The following NPHP4 variants were observed in gnomAD, a reference collection of about 807,000 sequenced individuals.
NPHP4 encodes the protein nephrocystin-4.
A neutral mutation model predicts 155.8 loss-of-function variants in NPHP4; 151 were observed. That is an observed-to-expected ratio of 0.97 (90% CI 0.85 to 1.11). The LOEUF (loss-of-function observed/expected upper bound fraction) is 1.11. Among genes scored for constraint, NPHP4 ranks in the 50% least tolerant of loss-of-function variants. The probability of loss-of-function intolerance (pLI) is 0.00; values close to 1 mark genes in which losing one functional copy is unlikely to be tolerated. For synonymous variants in NPHP4, 845 were observed against 816.8 expected (o/e 1.03, Z -0.59); for missense variants, 1,956 against 1,925.7 (o/e 1.02, Z -0.29).
At chr1:5,894,614 G>A (rs1644303574) in intron 16 of NPHP4, among the ~76,000 whole-genome samples, 1 of 151,902 alleles carries the variant, frequency 6.6e-6, no homozygotes, top group Non-Finnish European at 1.5e-5. Flanking sequence ...AGTAATCACA[G>A]GAAAATTCAT....
At chr1:5,914,167 C>G (rs1645334322) in intron 11 of NPHP4, among the ~76,000 whole-genome samples, 2 of 149,158 alleles carry the variant, frequency 1.3e-5, no homozygotes, top group African/African-American at 5.0e-5. Context: ...TGCCTATAAT[C>G]CCAGCACTTT....
chr1:5,951,626 C>T (rs955442356), intron 7 of NPHP4, among the ~76,000 whole-genome samples: 2 of 152,196 alleles, frequency 1.3e-5, no homozygotes, highest in African/African-American at 2.4e-5. Flanking sequence ...CTGCTGCTGG[C>T]GACAGAAGAG....
chr1:5,888,197 C>A (rs1448195308), intron 17 of NPHP4: 4 of 423,238 alleles, frequency 9.5e-6, no homozygotes, highest in Non-Finnish European at 9.5e-6. Context: ...GCAGGACTTT[C>A]CTGACCACGG....
At chr1:5,874,441 G>A (rs748860921) in intron 22 of NPHP4, 30 bp downstream of exon 22, 23 of 1,489,306 alleles carry the variant, frequency 1.5e-5, no homozygotes, top group Non-Finnish European at 2.0e-5. Flanking sequence ...TCAGCCAAAT[G>A]CAACTTCCCT....
chr1:5,871,300 TGA>T (rs746980141), intron 23 of NPHP4, among the ~76,000 whole-genome samples: 5 of 152,182 alleles, frequency 3.3e-5, no homozygotes, highest in Non-Finnish European at 1.5e-5. Flanking sequence ...GGCGGTGGCC[TGA>T]GAGAGGGCAG....
chr1:5,864,767 C>T (rs185199261), intron 27 of NPHP4: 1 of 544,968 alleles, frequency 1.8e-6, no homozygotes, highest in South Asian at 2.8e-5. Context: ...CTGAAGCCAT[C>T]TTGGGCTTAA....
rs573326258 is a variant in NPHP4 at position 5,967,708 on chromosome 1, C to T, written c.453-345G>A. On this transcript the variant is annotated intron_variant, in intron 4 of 29. Coordinates refer to ENST00000378156, the MANE Select transcript of NPHP4 (RefSeq NM_015102.5). ...ATCTGGAGCAGTGGTTCTCAACCAG[C>T]GATGATTCTGCTCCCTAAGGCACAT... 3.3e-5 allele frequency among the ~76,000 whole-genome samples: 5 copies of T among 152,230 alleles called. No individual in the cohort carries two copies. In the South Asian group the frequency reaches 8.3e-4, roughly 25 times the overall value.
intron 9 of NPHP4, among the ~76,000 whole-genome samples, chr1:5,946,183 GC>G (rs1026651195): frequency 2.0e-5 from 3 of 152,080 alleles, no homozygotes; most frequent in Admixed American, 6.5e-5. Flanking sequence ...TGGAACAAAC[GC>G]CCCATGGAAA....
At chr1:5,900,076 G>T (rs1394997556) in intron 16 of NPHP4, among the ~76,000 whole-genome samples, 1 of 152,190 alleles carries the variant, frequency 6.6e-6, no homozygotes, top group Non-Finnish European at 1.5e-5. Flanking sequence ...TGCTGGTGAG[G>T]ATATGGAGCA....
At chr1:5,928,119 G>C (rs530567263) in intron 10 of NPHP4, among the ~76,000 whole-genome samples, 1 of 152,124 alleles carries the variant, frequency 6.6e-6, no homozygotes, top group African/African-American at 2.4e-5. Context: ...CACATGCACA[G>C]ATTCACATAA....
chr1:5,879,314 A>T (rs1248770809), intron 19 of NPHP4: 1 of 319,108 alleles, frequency 3.1e-6, no homozygotes, highest in Admixed American at 4.5e-5. Context: ...TCAAATGACA[A>T]GTACTTTATA....
chr1:5,972,907 A>G (rs1451305620), intron 3 of NPHP4, among the ~76,000 whole-genome samples: 1 of 149,984 alleles, frequency 6.7e-6, no homozygotes, highest in African/African-American at 2.5e-5. Context: ...TTTTTTTGAC[A>G]GAGTCTTGCT....
At chr1:5,972,702 G>A (rs1013959953) in intron 3 of NPHP4, among the ~76,000 whole-genome samples, 10 of 152,132 alleles carry the variant, frequency 6.6e-5, no homozygotes, top group African/African-American at 2.4e-4. Context: ...AATCAAGTCA[G>A]GAGGAGCTTA....
chr1:5,892,567 T>C lies in NPHP4; in HGVS notation c.2144-1539A>G, dbSNP rs967950402. Among the ~76,000 whole-genome samples, 5 of 152,124 alleles carry C rather than the reference T, an allele frequency of 3.3e-5. No homozygotes were observed. The highest frequency in any genetic ancestry group is 6.5e-5 in the Admixed American group (1 of 15,278). ...GAAAGGCCCTGGCAGTGCTGGGGTA[T>C]AGTGGTGACAGAATGGGGGCCGGTC... On this transcript the variant is annotated intron_variant, in intron 16 of 29. Coordinates refer to ENST00000378156, the MANE Select transcript of NPHP4 (RefSeq NM_015102.5). This position sits in a 1 kb window ranked among gnomAD's most constrained non-coding sequence, Gnocchi z 4.5.
chr1:5,876,997 G>GT lies in NPHP4; in HGVS notation c.2817+95dup, dbSNP rs1201335686. ...TCTGTCCCCAGGATTTGGGAGGAAG[G>GT]TAAGAGAGAATCATGTGGGAGGCAG... is the stretch of plus-strand genomic sequence containing the variant. On this transcript the variant is annotated intron_variant, in intron 20 of 29. Coordinates refer to ENST00000378156, the MANE Select transcript of NPHP4 (RefSeq NM_015102.5). 8 of 860,086 alleles carry GT rather than the reference G, an allele frequency of 9.3e-6. No individual in the cohort carries two copies. The African/African-American group carries it at 1.2e-4, about 13-fold the overall frequency. 53.3% of individuals were successfully genotyped at this position (860,086 alleles called of 1,614,324 possible).
chr1:5,959,315 CA>C (rs1215990869), intron 6 of NPHP4, among the ~76,000 whole-genome samples: 2 of 152,238 alleles, frequency 1.3e-5, no homozygotes, highest in Non-Finnish European at 2.9e-5. Context: ...GACTTGAGGC[CA>C]ACGGGCCAGA....
intron 23 of NPHP4, among the ~76,000 whole-genome samples, chr1:5,869,470 G>A (rs1641779223): frequency 6.6e-6 from 1 of 152,222 alleles, no homozygotes; most frequent in Non-Finnish European, 1.5e-5. Context: ...TTGCTTTATA[G>A]TTTGATTTTT....
intron 19 of NPHP4, among the ~76,000 whole-genome samples, chr1:5,879,912 C>T (rs926740806): frequency 6.6e-6 from 1 of 151,832 alleles, no homozygotes; most frequent in African/African-American, 2.4e-5. Context: ...TGCAGCCTTC[C>T]ACCTCTCACA....
chr1:5,944,841 G>T lies in NPHP4; in HGVS notation c.1119+2263C>A, dbSNP rs559149226. 6.6e-6 allele frequency among the ~76,000 whole-genome samples: 1 copy of T among 152,140 alleles called. No homozygotes were observed. Among genetic ancestry groups the T allele is most frequent in the Non-Finnish European group, 1.5e-5 (1 of 68,010 alleles). On this transcript the variant is annotated intron_variant, in intron 9 of 29. Transcript: ENST00000378156. This position sits in a 1 kb window ranked among gnomAD's most constrained non-coding sequence, Gnocchi z 4.3. ...AAAAATTAGCTGGGCATGGTGGCCC[G>T]TGCCTATAGTCCCAGCTACTCAGGA...
Sources: allele counts gnomAD v4.1 joint callset (sites outside exome capture counted in the v4.1 genomes callset), GRCh38; gene constraint gnomAD v4.1.1; non-coding constraint Gnocchi (gnomAD v3.1); transcripts MANE v1.5; gene names NCBI Gene and HGNC (gene_info 2026-07-23, HGNC 2026-07-21).